MPPED2: variants seen among roughly 807,000 people sequenced by gnomAD.
The protein encoded by MPPED2 is metallophosphoesterase MPPED2.
A neutral mutation model predicts 33.0 loss-of-function variants in MPPED2; 5 were observed. The observed-to-expected ratio is 0.15, with a 90% CI of 0.08 to 0.32. The LOEUF is 0.32. MPPED2 is among the 10% of genes least tolerant of loss of function. The pLI is 1.00. For missense variants in MPPED2, 275 were observed against 372.1 expected, an observed-to-expected ratio of 0.74 and a Z score of 2.15; for synonymous variants, 136 against 141.9, an observed-to-expected ratio of 0.96 and a Z score of 0.29.
intron 6 of MPPED2, among the ~76,000 whole-genome samples, chr11:30,401,994 G>A (rs1947916024): frequency 6.6e-6 from 1 of 152,086 alleles, no homozygotes; most frequent in Non-Finnish European, 1.5e-5. Context: ...ACCGCCCCCG[G>A]CCTACATAAG....
intron 3 of MPPED2, among the ~76,000 whole-genome samples, chr11:30,499,271 G>A (rs1279974067): frequency 6.6e-6 from 1 of 152,166 alleles, no homozygotes; most frequent in Non-Finnish European, 1.5e-5. Flanking sequence ...AACAGAGGTT[G>A]AGCATCCTTT....
At chr11:30,568,858 C>T (rs1326179207) in intron 2 of MPPED2, among the ~76,000 whole-genome samples, 1 of 152,162 alleles carries the variant, frequency 6.6e-6, no homozygotes, top group South Asian at 2.1e-4. Flanking sequence ...TGGGATCTCA[C>T]TGAGCCCATC....
At chr11:30,470,042 T>C (rs1950881924) in intron 4 of MPPED2, among the ~76,000 whole-genome samples, 1 of 152,234 alleles carries the variant, frequency 6.6e-6, no homozygotes, top group Admixed American at 6.5e-5. Context: ...TACAAGTGCT[T>C]GGTGACTGAA....
At chr11:30,404,418 A>G (rs1481760455) in intron 6 of MPPED2, among the ~76,000 whole-genome samples, 1 of 152,236 alleles carries the variant, frequency 6.6e-6, no homozygotes, top group Non-Finnish European at 1.5e-5. Context: ...ACCATTTCAT[A>G]GAGTAAATTA....
intron 4 of MPPED2, among the ~76,000 whole-genome samples, chr11:30,488,911 C>G (rs1951851963): frequency 6.6e-6 from 1 of 152,110 alleles, no homozygotes; most frequent in African/African-American, 2.4e-5. Flanking sequence ...CTTTCTGAAC[C>G]CTCCTGAATA....
chr11:30,514,203 T>C (rs2134327418), intron 3 of MPPED2, among the ~76,000 whole-genome samples: 1 of 152,190 alleles, frequency 6.6e-6, no homozygotes, highest in Non-Finnish European at 1.5e-5. Context: ...TCTATTTCCC[T>C]TGCCAATGAC....
At chr11:30,538,182 A>T (rs1954916978) in intron 2 of MPPED2, among the ~76,000 whole-genome samples, 1 of 152,130 alleles carries the variant, frequency 6.6e-6, no homozygotes, top group African/African-American at 2.4e-5. Flanking sequence ...ATATGAATAA[A>T]TGTAATATCT....
At chr11:30,441,197 T>G (rs1949557058) in intron 4 of MPPED2, 2 of 152,318 alleles carry the variant, frequency 1.3e-5, no homozygotes, top group Non-Finnish European at 2.9e-5. Flanking sequence ...GGCATATTTT[T>G]TAATTAATTA....
chr11:30,396,633 T>A (rs182557375), intron 6 of MPPED2, among the ~76,000 whole-genome samples: 1 of 152,234 alleles, frequency 6.6e-6, no homozygotes, highest in East Asian at 1.9e-4. Context: ...CTTCCACTCT[T>A]TTTTTCCCAT....
chr11:30,386,157 A>G (rs1947700256), exon 7 of MPPED2: 1 of 152,274 alleles, frequency 6.6e-6, no homozygotes, highest in Admixed American at 6.5e-5. Context: ...GGAGAAGGAA[A>G]GAACATTTTC....
Position 30,411,289 on chromosome 11 carries a change from T to C in MPPED2, c.*179A>G. On this transcript the variant is annotated 3_prime_UTR_variant, in exon 7 of 7. Transcript: ENST00000358117. ...TTCACAATGTTCCTCTGATTTCAAA[T>C]GGATGCCCCATTTAAAATAAAATAA... 1 of 1,251,316 alleles carries C rather than the reference T, an allele frequency of 8.0e-7. No individual in the cohort carries two copies. The highest frequency in any genetic ancestry group is 1.0e-6 in the Non-Finnish European group (1 of 991,642). The allele number at this position is 1,251,316 out of a possible 1,614,324, so 77.5% of individuals were successfully genotyped here.
intron 4 of MPPED2, among the ~76,000 whole-genome samples, chr11:30,488,883 C>A (rs917580562): frequency 6.6e-6 from 1 of 151,524 alleles, no homozygotes; most frequent in Non-Finnish European, 1.5e-5. Context: ...CACACAAGAC[C>A]TTTTTCTGTG....
intron 6 of MPPED2, among the ~76,000 whole-genome samples, chr11:30,396,803 C>T (rs1441956038): frequency 6.6e-6 from 1 of 152,112 alleles, no homozygotes; most frequent in African/African-American, 2.4e-5. Flanking sequence ...TAAAATTCTT[C>T]CATTTCTTGT....
intron 2 of MPPED2, among the ~76,000 whole-genome samples, chr11:30,569,626 A>G (rs1956605818): frequency 6.6e-6 from 1 of 152,228 alleles, no homozygotes; most frequent in Non-Finnish European, 1.5e-5. Context: ...AACTTCAGAT[A>G]GTCTTACATC....
At chr11:30,543,158 G>C (rs1207333922) in intron 2 of MPPED2, among the ~76,000 whole-genome samples, 1 of 152,134 alleles carries the variant, frequency 6.6e-6, no homozygotes, top group Non-Finnish European at 1.5e-5. Flanking sequence ...GAACAATACA[G>C]AAGTTTGTTT....
At chr11:30,419,605 G>A (rs1948522312) in intron 4 of MPPED2, among the ~76,000 whole-genome samples, 8 of 152,122 alleles carry the variant, frequency 5.3e-5, no homozygotes, top group Admixed American at 5.2e-4. Context: ...CAGTACATGT[G>A]CTTCTGGTAA....
At chr11:30,557,767 A>G (rs1956050443) in intron 2 of MPPED2, among the ~76,000 whole-genome samples, 1 of 152,222 alleles carries the variant, frequency 6.6e-6, no homozygotes, top group African/African-American at 2.4e-5. Flanking sequence ...TTTGAAGATA[A>G]GTGAAAAGTT....
rs546288330 is a variant in MPPED2, at chr11:30,555,629, C to T, written c.129-19454G>A. 2.9e-4 allele frequency among the ~76,000 whole-genome samples: 44 copies of T among 152,304 alleles called. 1 individual carries two copies. In the South Asian group the frequency reaches 7.9e-3, roughly 27 times the overall value. On this transcript the variant is annotated intron_variant, in intron 2 of 6. Coordinates refer to ENST00000358117, the MANE Select transcript of MPPED2 (RefSeq NM_001584.3). ...TTTTATAAAGGGCAGACCCCCTGCACATGCTCTCTTTCCTGCCACCATGTA... is the reference window on the plus strand; with the variant it reads ...TTTTATAAAGGGCAGACCCCCTGCATATGCTCTCTTTCCTGCCACCATGTA...
intron 4 of MPPED2, among the ~76,000 whole-genome samples, chr11:30,463,094 A>G (rs1361409229): frequency 1.3e-5 from 2 of 152,252 alleles, no homozygotes; most frequent in Non-Finnish European, 2.9e-5. Flanking sequence ...CAACAGGGGT[A>G]TAAGAAGTGA....
Sources: gnomAD v4.1 joint callset for allele counts (sites outside exome capture counted in the v4.1 genomes callset) on GRCh38, gnomAD v4.1.1 for gene constraint, MANE v1.5 for transcripts, NCBI Gene and HGNC (gene_info 2026-07-23, HGNC 2026-07-21) for gene names.